The following TMEM132C variants were observed in gnomAD, a reference collection of about 807,000 sequenced individuals.
TMEM132C encodes protein phosphatase 1, regulatory subunit 152.
In TMEM132C, 29 loss-of-function variants were observed where a neutral mutation model predicts 61.4. The observed-to-expected ratio is 0.47, with a 90% CI of 0.35 to 0.64. The LOEUF (loss-of-function observed/expected upper bound fraction) is 0.64. Among genes scored for constraint, TMEM132C ranks in the 30% least tolerant of loss-of-function variants. The pLI is 0.00. For synonymous variants in TMEM132C, 656 were observed against 633.1 expected (o/e 1.04, Z -0.54); for missense variants, 1,408 against 1,476.9 (o/e 0.95, Z 0.76).
chr12:128,588,050 A>G (rs566070277), intron 3 of TMEM132C, among the ~76,000 whole-genome samples: 1 of 152,314 alleles, frequency 6.6e-6, no homozygotes, highest in African/African-American at 2.4e-5. Context: ...ACACCCTAGG[A>G]CAGAGGCACT....
At chr12:128,291,390 A>G (rs895611748) in intron 1 of TMEM132C, among the ~76,000 whole-genome samples, 4 of 152,198 alleles carry the variant, frequency 2.6e-5, no homozygotes, top group Non-Finnish European at 5.9e-5. Context: ...ATCTCCATAC[A>G]GTGCCAGGTG....
intron 1 of TMEM132C, among the ~76,000 whole-genome samples, chr12:128,298,056 T>C (rs1231453087): frequency 6.6e-6 from 1 of 152,248 alleles, no homozygotes; most frequent in Non-Finnish European, 1.5e-5. Context: ...TAGCTATGAA[T>C]GTAGCTTTAA....
At chr12:128,670,616 T>G (rs1258075880) in intron 5 of TMEM132C, among the ~76,000 whole-genome samples, 1 of 152,200 alleles carries the variant, frequency 6.6e-6, no homozygotes, top group Non-Finnish European at 1.5e-5. Flanking sequence ...CTTTATTTTT[T>G]TAAGGTTGAA....
intron 1 of TMEM132C, among the ~76,000 whole-genome samples, chr12:128,298,533 C>G (rs892816770): frequency 6.6e-6 from 1 of 152,152 alleles, no homozygotes; most frequent in African/African-American, 2.4e-5. Flanking sequence ...ACGGTACGTA[C>G]GACTCACAGC....
chr12:128,702,544 G>A (rs898606302), intron 8 of TMEM132C, among the ~76,000 whole-genome samples: 1 of 152,080 alleles, frequency 6.6e-6, no homozygotes, highest in African/African-American at 2.4e-5. Flanking sequence ...GTGCAGCCTT[G>A]CCACCTACAG....
intron 1 of TMEM132C, among the ~76,000 whole-genome samples, chr12:128,319,983 A>C (rs1271413694): frequency 1.3e-5 from 2 of 152,136 alleles, no homozygotes; most frequent in African/African-American, 4.8e-5. Context: ...GTTTAGAAAA[A>C]ATTGTCAATG....
chr12:128,283,660 T>A (rs1870969886), intron 1 of TMEM132C, among the ~76,000 whole-genome samples: 1 of 152,242 alleles, frequency 6.6e-6, no homozygotes, highest in Non-Finnish European at 1.5e-5. Context: ...AATCTATTTA[T>A]CTGCCTTAAA....
At chr12:128,522,981 A>G (rs1175141494) in intron 2 of TMEM132C, among the ~76,000 whole-genome samples, 2 of 152,222 alleles carry the variant, frequency 1.3e-5, no homozygotes, top group Non-Finnish European at 2.9e-5. Context: ...CAGTGTTTAC[A>G]ACAGTCAGAC....
intron 1 of TMEM132C, among the ~76,000 whole-genome samples, chr12:128,344,121 G>T (rs183122410): frequency 3.9e-4 from 59 of 152,218 alleles, no homozygotes; most frequent in African/African-American, 1.3e-3. Flanking sequence ...TATGATTCAT[G>T]TACATGTTTT....
chr12:128,381,570 A>G (rs1253948380), intron 1 of TMEM132C, among the ~76,000 whole-genome samples: 1 of 152,154 alleles, frequency 6.6e-6, no homozygotes, highest in East Asian at 1.9e-4. Context: ...TGGACGTGAG[A>G]GAGGAAGCCT....
intron 6 of TMEM132C, among the ~76,000 whole-genome samples, chr12:128,694,558 AC>A (rs1213560761): frequency 6.6e-6 from 1 of 151,902 alleles, no homozygotes; most frequent in African/African-American, 2.4e-5. Flanking sequence ...CAGCCCTGTG[AC>A]CCCCGGATTA....
At chr12:128,362,805 G>T (rs1300162057) in intron 1 of TMEM132C, among the ~76,000 whole-genome samples, 1 of 152,226 alleles carries the variant, frequency 6.6e-6, no homozygotes, top group African/African-American at 2.4e-5. Flanking sequence ...GTTTTATGAA[G>T]TGAGTCTGCA....
At position 128,376,712 on chromosome 12, in the gene TMEM132C, G is replaced by A. The variant is rs111569853; in HGVS notation, c.86-38020G>A. ...TACAGATGAACAGGTCTAGTAAAGG[G>A]TATGCATCTCACTTTGTATTTAGGA... On this transcript the variant is annotated intron_variant, in intron 1 of 8. Transcript: ENST00000435159. 2.6e-5 allele frequency among the ~76,000 whole-genome samples: 4 copies of A among 152,358 alleles called. 1 individual carries two copies. The highest frequency in any genetic ancestry group is 9.6e-5 in the African/African-American group (4 of 41,584).
chr12:128,494,692 T>C (rs565017958), intron 2 of TMEM132C, among the ~76,000 whole-genome samples: 1 of 152,290 alleles, frequency 6.6e-6, no homozygotes, highest in South Asian at 2.1e-4. Flanking sequence ...TCGGTGGTGA[T>C]ATCCCCTTTA....
At chr12:128,491,299 A>G (rs1384864529) in intron 2 of TMEM132C, among the ~76,000 whole-genome samples, 1 of 152,142 alleles carries the variant, frequency 6.6e-6, no homozygotes, top group Non-Finnish European at 1.5e-5. Context: ...AATAGCGTTG[A>G]GGTTGATGGA....
At chr12:128,507,402 C>CTTT (rs111625089) in intron 2 of TMEM132C, among the ~76,000 whole-genome samples, 5 of 113,402 alleles carry the variant, frequency 4.4e-5, no homozygotes, top group Non-Finnish European at 8.9e-5. Flanking sequence ...TTTTTTCTTT[C>CTTT]TTTTTTTTTT....
intron 2 of TMEM132C, among the ~76,000 whole-genome samples, chr12:128,462,872 C>T (rs995972650): frequency 6.6e-6 from 1 of 152,164 alleles, no homozygotes; most frequent in African/African-American, 2.4e-5. Context: ...TACCAGAACT[C>T]CCCAATAACA....
At chr12:128,532,152 T>C (rs1228724149) in intron 2 of TMEM132C, among the ~76,000 whole-genome samples, 3 of 152,196 alleles carry the variant, frequency 2.0e-5, no homozygotes, top group African/African-American at 7.2e-5. Context: ...AGATGTTCTT[T>C]TATGAGATTC....
chr12:128,411,458 A>G (rs536128166), intron 1 of TMEM132C, among the ~76,000 whole-genome samples: 25 of 152,312 alleles, frequency 1.6e-4, no homozygotes, highest in Admixed American at 1.3e-3. Flanking sequence ...ATGGCTTACA[A>G]TCTTTTAACA....
Sources: gnomAD v4.1 joint callset for allele counts (sites outside exome capture counted in the v4.1 genomes callset) on GRCh38, gnomAD v4.1.1 for gene constraint, MANE v1.5 for transcripts, NCBI Gene and HGNC (gene_info 2026-07-23, HGNC 2026-07-21) for gene names.